Variants in TMEM150B observed in about 807,000 individuals in gnomAD.
TMEM150B encodes the protein transmembrane protein 150B, also known as modulator of macroautophagy TMEM150B.
Under a neutral mutation model 25.2 loss-of-function variants are expected in TMEM150B, and 33 were observed. The observed-to-expected ratio is 1.31, with a 90% confidence interval of 0.99 to 1.75. The LOEUF is 1.75. Ranked by LOEUF, TMEM150B falls within the 40% of genes most tolerant of loss-of-function variation. The probability of loss-of-function intolerance (pLI) is 0.00; values close to 1 mark genes in which losing one functional copy is unlikely to be tolerated. For missense variants in TMEM150B, 322 were observed against 306.1 expected (o/e 1.05, Z -0.39); for synonymous variants, 133 against 134.8 (o/e 0.99, Z 0.09).
At chr19:55,319,607 G>A (rs368498062) in intron 6 of TMEM150B, 12 of 343,652 alleles carry the variant, frequency 3.5e-5, no homozygotes, top group African/African-American at 1.8e-4. Context: ...ACCATGCCCG[G>A]CTAATTTTTG....
chr19:55,311,555 G>A (rs1179649441), downstream of TMEM150B, among the ~76,000 whole-genome samples: 1 of 152,156 alleles, frequency 6.6e-6, no homozygotes, highest in Non-Finnish European at 1.5e-5. Flanking sequence ...TGCTGTGAAC[G>A]TTGAGCACCG....
In TMEM150B at chr19:55,320,146, G is replaced by A; in HGVS notation, c.217C>T (p.Arg73Cys). The A allele has an allele frequency of 3.1e-6, 5 of 1,614,136 alleles. No individual in the cohort carries two copies. The highest frequency in any genetic ancestry group is 4.2e-6 in the Non-Finnish European group (5 of 1,180,018). Residue 73 changes from arginine (R) to cysteine (C), a missense_variant, in exon 6 of 8, where the codon CGT becomes TGT. By Grantham distance (180) the Arg-to-Cys change is radical. Transcript: ENST00000326652. ...AALAAWICIV[R>C]YHQLRDWGVR... ...CCCCAGTCCCGGAGCTGGTGGTAACGGACAATGCAGATCCACGCGGCTGGG... is the reference window on the plus strand; with the variant it reads ...CCCCAGTCCCGGAGCTGGTGGTAACAGACAATGCAGATCCACGCGGCTGGG...
At chr19:55,312,193 C>T, downstream of TMEM150B, 2 of 515,098 alleles carry the variant, frequency 3.9e-6, no homozygotes, top group Non-Finnish European at 6.8e-6. Context: ...CCGGCCTTGC[C>T]CTGCAGGGAT....
chr19:55,312,837 A>T lies in TMEM150B; in HGVS notation c.*22T>A, dbSNP rs1330329358. The T allele has an allele frequency of 6.4e-6, 10 of 1,559,682 alleles. No homozygotes were observed. The East Asian group carries it at 2.2e-4, about 34-fold the overall frequency. On this transcript the variant is annotated 3_prime_UTR_variant, in exon 8 of 8. Coordinates refer to ENST00000326652, the MANE Select transcript of TMEM150B (RefSeq NM_001282011.2). ...TCTTTCCTGCTTCACTGGTGAGGGC[A>T]AGGCCCGGGTCAGGGTGCCTGCTAC...
intron 7 of TMEM150B, among the ~76,000 whole-genome samples, chr19:55,313,407 T>C (rs974369962): frequency 2.6e-5 from 4 of 151,948 alleles, no homozygotes; most frequent in Admixed American, 1.3e-4. Context: ...TAAACATGCA[T>C]GGTTTCCTAA....
chr19:55,313,648 G>A (rs2123038845), intron 7 of TMEM150B, among the ~76,000 whole-genome samples: 1 of 152,130 alleles, frequency 6.6e-6, no homozygotes, highest in Non-Finnish European at 1.5e-5. Context: ...TTGGCCAGCT[G>A]GTCACCCCAA....
chr19:55,316,517 T>G (rs1396185950), intron 7 of TMEM150B, among the ~76,000 whole-genome samples: 1 of 152,002 alleles, frequency 6.6e-6, no homozygotes, highest in East Asian at 1.9e-4. Context: ...AGCCCTGTCG[T>G]TATCCACATT....
downstream of TMEM150B, chr19:55,312,410 C>T (rs2088824122): frequency 5.2e-6 from 1 of 193,002 alleles, no homozygotes; most frequent in Admixed American, 6.0e-5. Flanking sequence ...CCCCAACCCC[C>T]TCTTCCCGGG....
chr19:55,312,878 G>C lies in TMEM150B; in HGVS notation c.683C>G (p.Ser228Cys). The change falls in exon 8 of 8, where the codon TCC becomes TGC. Residue 228 changes from serine (S) to cysteine (C), a missense_variant. Coordinates refer to ENST00000326652, the MANE Select transcript of TMEM150B (RefSeq NM_001282011.2). ...SLSPPPASPISLPVQL is the reference protein window; with the variant it reads ...SLSPPPASPICLPVQL ...TGCCTGCTACAGCTGGACCGGCAGG[G>C]AGATGGGGGAGGCCGGCGGGGGGCT... 1 of 1,596,546 alleles carries C rather than the reference G, an allele frequency of 6.3e-7. No homozygotes were observed. The highest frequency in any genetic ancestry group is 1.1e-5 in the South Asian group (1 of 88,948).
chr19:55,318,222 G>A (rs1173565755), intron 6 of TMEM150B, among the ~76,000 whole-genome samples: 12 of 150,552 alleles, frequency 8.0e-5, no homozygotes, highest in Admixed American at 1.3e-4. Context: ...GTAGCCGGGC[G>A]TGGTGGTGAG....
In TMEM150B at chr19:55,312,979, C is replaced by T. The variant is rs769094612; in HGVS notation, c.582G>A (p.Ala194=). The T allele has an allele frequency of 2.4e-5, 38 of 1,613,464 alleles. No individual in the cohort carries two copies. Among genetic ancestry groups the T allele is most frequent in the African/African-American group, 4.0e-5 (3 of 74,916 alleles). The change falls in exon 8 of 8, where the codon GCG becomes GCA. Residue 194 remains alanine, a synonymous_variant. Transcript: ENST00000326652. ...AGTCAACGGCTAAGAGACCGAAGAG[C>T]GCGAACAGCAGCATGGCCACGACCC... is the stretch of plus-strand genomic sequence containing the variant. ...CEWVVAMLLF[A]LFGLLAVDFS...
intron 6 of TMEM150B, 88 bp from the exon 7 acceptor site, chr19:55,317,054 T>C (rs1026003782): frequency 5.4e-5 from 67 of 1,244,106 alleles, no homozygotes; most frequent in Non-Finnish European, 7.0e-5. Flanking sequence ...ACCAATGCAG[T>C]AGACAGTGGT....
intron 7 of TMEM150B, among the ~76,000 whole-genome samples, chr19:55,314,322 G>C (rs534849073): frequency 1.3e-5 from 2 of 151,966 alleles, no homozygotes; most frequent in Non-Finnish European, 2.9e-5. Context: ...ATGCCTGACC[G>C]TAAACTTCCT....
chr19:55,312,952 G>T lies in TMEM150B; in HGVS notation c.609C>A (p.Phe203Leu). Residue 203 changes from phenylalanine to leucine, a missense_variant, in exon 8 of 8, where the codon TTC becomes TTA. By Grantham distance (22) the Phe-to-Leu change is conservative. Transcript: ENST00000326652. ...FALFGLLAVD[F>L]SALESCTLCV... Reference sequence around the variant, plus strand: ...ACAGGGTGCAGCTCTCCAGGGCGGAGAAGTCAACGGCTAAGAGACCGAAGA... The same window carrying T: ...ACAGGGTGCAGCTCTCCAGGGCGGATAAGTCAACGGCTAAGAGACCGAAGA... 1 of 1,613,458 alleles carries T rather than the reference G, an allele frequency of 6.2e-7. No individual in the cohort carries two copies. Among genetic ancestry groups the T allele is most frequent in the Non-Finnish European group, 8.5e-7 (1 of 1,179,798 alleles).
At chr19:55,313,277 C>T (rs1055080662) in intron 7 of TMEM150B, among the ~76,000 whole-genome samples, 1 of 152,234 alleles carries the variant, frequency 6.6e-6, no homozygotes, top group Admixed American at 6.5e-5. Flanking sequence ...TTGCGTGCAC[C>T]CCCGTTACTA....
rs534713258 is a variant in TMEM150B, at chr19:55,319,807, G to A, written c.324+232C>T. ...GGGGCTGGCAGAAAATTATCCCAAC[G>A]TCCTGGAAGTCAACGAAGTCCTACA... On this transcript the variant is annotated intron_variant, in intron 6 of 7. Transcript: ENST00000326652. The A allele has an allele frequency of 9.4e-5, 127 of 1,356,606 alleles. 3 individuals carry two copies. The Admixed American group carries it at 3.9e-3, about 42-fold the overall frequency. 84.0% of individuals were successfully genotyped at this position (1,356,606 alleles called of 1,614,324 possible). A position where few individuals can be genotyped will look rare whatever the true frequency, so the allele number is the denominator to read the frequency against.
intron 7 of TMEM150B, among the ~76,000 whole-genome samples, chr19:55,315,206 C>G (rs992614439): frequency 3.7e-4 from 56 of 152,090 alleles, no homozygotes; most frequent in Admixed American, 3.0e-3. Flanking sequence ...GTCCCAGCTA[C>G]TTGGGAGGCT....
At chr19:55,315,700 A>G (rs1348347046) in intron 7 of TMEM150B, among the ~76,000 whole-genome samples, 1 of 150,542 alleles carries the variant, frequency 6.6e-6, no homozygotes, top group Non-Finnish European at 1.5e-5. Context: ...GGCGGAGCTT[A>G]CAGTGAGCCA....
chr19:55,320,802 AC>A (rs2089184964), intron 3 of TMEM150B, among the ~76,000 whole-genome samples, 166 bp downstream of exon 3: 2 of 119,522 alleles, frequency 1.7e-5, no homozygotes, highest in African/African-American at 6.6e-5. Flanking sequence ...AGGAGTCCAG[AC>A]CCCCAGCCCC....
Sources: allele counts gnomAD v4.1 joint callset (sites outside exome capture counted in the v4.1 genomes callset), GRCh38; gene constraint gnomAD v4.1.1; transcripts MANE v1.5; gene names NCBI Gene and HGNC (gene_info 2026-07-23, HGNC 2026-07-21).